The following DDX11 variants were observed in gnomAD, a reference collection of about 807,000 sequenced individuals.
The protein encoded by DDX11 is DEAD/H-box helicase 11.
A neutral mutation model predicts 125.2 loss-of-function variants in DDX11; 72 were observed. That is an observed-to-expected ratio of 0.58 (90% confidence interval 0.48 to 0.70). The LOEUF is 0.70. Among genes scored for constraint, DDX11 ranks in the 30% least tolerant of loss-of-function variants. The pLI is 0.00. For synonymous variants in DDX11, 347 were observed against 452.6 expected, an observed-to-expected ratio of 0.77 and a Z score of 2.96; for missense variants, 883 against 1,165.0, an observed-to-expected ratio of 0.76 and a Z score of 3.52.
At chr12:31,095,865 C>T (rs1945134174) in intron 14 of DDX11, among the ~76,000 whole-genome samples, 1 of 152,110 alleles carries the variant, frequency 6.6e-6, no homozygotes, top group African/African-American at 2.4e-5. Flanking sequence ...TTTTAGAAAC[C>T]GGTTTAAAGG....
intron 2 of DDX11, among the ~76,000 whole-genome samples, chr12:31,083,286 G>T (rs1427702982): frequency 1.3e-5 from 2 of 149,320 alleles, no homozygotes; most frequent in East Asian, 4.0e-4. Context: ...AGACAGAGTG[G>T]TGTCTTCCAG....
chr12:31,102,327 T>G lies in DDX11; in HGVS notation c.2271+16T>G, dbSNP rs759471361. On this transcript the variant is annotated intron_variant, in intron 22 of 26. Coordinates refer to ENST00000542838, the MANE Select transcript of DDX11 (RefSeq NM_030653.4). ...GTGCATCCAGGTGCGGGCGTCATGC[T>G]GGGCTTGGGTCTGAGATCGTGTGGG... The G allele has an allele frequency of 2.5e-6, 4 of 1,613,556 alleles. No individual in the cohort carries two copies. The highest frequency in any genetic ancestry group is 4.5e-5 in the East Asian group (2 of 44,868).
At chr12:31,078,160 G>A (rs1443087052) in intron 1 of DDX11, 2 of 1,447,658 alleles carry the variant, frequency 1.4e-6, no homozygotes, top group Non-Finnish European at 1.9e-6. Context: ...GGCTTTCCTG[G>A]TCTGCATTCT....
intron 20 of DDX11, 197 bp from the exon 21 acceptor site, chr12:31,101,636 A>G: frequency 6.2e-6 from 4 of 649,548 alleles, no homozygotes; most frequent in Non-Finnish European, 1.1e-5. Flanking sequence ...AGTCAGCAGC[A>G]GCGGCTGGGT....
At position 31,094,961 on chromosome 12, in the gene DDX11, C is replaced by T. The variant is rs1236200007; in HGVS notation, c.1482+139C>T. The stretch of plus-strand genomic sequence containing the variant: ...TTACTTAACCCTTAACGCAACATGC[C>T]TGTGAGACAAAAGTCATCTTCTTTT... On this transcript the variant is annotated intron_variant, in intron 14 of 26. Transcript: ENST00000542838. 15 of 926,398 alleles carry T rather than the reference C, an allele frequency of 1.6e-5. No homozygotes were observed. The African/African-American group carries it at 1.6e-4, about 10-fold the overall frequency. 57.4% of individuals were successfully genotyped at this position (926,398 alleles called of 1,614,324 possible).
At position 31,102,990 on chromosome 12, in the gene DDX11, G is replaced by T; in HGVS notation, c.2427G>T (p.Gln809His). Residue 809 changes from glutamine (Q) to histidine (H), a missense_variant, in exon 24 of 27, where the codon CAG becomes CAT. Physicochemically the swap from Gln to His is conservative, Grantham distance 24. This residue lies in a region of DDX11 where 285 missense variants were observed against 346.0 expected (regional missense o/e 0.82). Coordinates refer to ENST00000542838, the MANE Select transcript of DDX11 (RefSeq NM_030653.4). ...CCAACATCAGGTCTGCAGAGCTGCA[G>T]GAGAAGATGGCCTACTTGGATCAAA... ...PFPNIRSAEL[Q>H]EKMAYLDQTL... 6.2e-7 allele frequency: 1 copy of T among 1,613,950 alleles called. No homozygotes were observed. Among genetic ancestry groups the T allele is most frequent in the South Asian group, 1.1e-5 (1 of 91,072 alleles).
chr12:31,083,264 CCT>C (rs1197645837), intron 2 of DDX11, among the ~76,000 whole-genome samples: 1 of 151,542 alleles, frequency 6.6e-6, no homozygotes, highest in Non-Finnish European at 1.5e-5. Context: ...AGCAAGACCT[CCT>C]CTCAAAAACA....
Position 31,097,939 on chromosome 12 carries a change from T to C in DDX11, c.1817T>C (p.Phe606Ser). The C allele has an allele frequency of 6.2e-7, 1 of 1,613,764 alleles. No individual in the cohort carries two copies. The highest frequency in any genetic ancestry group is 8.5e-7 in the Non-Finnish European group (1 of 1,179,860). Reference sequence around the variant, plus strand: ...TTGCTCCTGAATCCAGCTGTGCACTTTGCCCAAGTGGTGAAGGAATGCCGG... The same window carrying C: ...TTGCTCCTGAATCCAGCTGTGCACTCTGCCCAAGTGGTGAAGGAATGCCGG... ...KFLLLNPAVH[F>S]AQVVKECRAV... The change falls in exon 18 of 27, where the codon TTT (phenylalanine) becomes TCT (serine). Residue 606 changes from phenylalanine (F) to serine (S), a missense_variant. Phe to Ser is a radical substitution (Grantham distance 155). This residue lies in a region of DDX11 where 241 missense variants were observed against 279.7 expected (regional missense o/e 0.86). Transcript: ENST00000542838.
At chr12:31,082,087 C>T (rs1942057752) in intron 2 of DDX11, among the ~76,000 whole-genome samples, 1 of 116,848 alleles carries the variant, frequency 8.6e-6, no homozygotes, top group Admixed American at 9.3e-5. Context: ...GGAAATGGTA[C>T]ATATGGGGCT....
chr12:31,104,462 C>T lies in DDX11; in HGVS notation c.*626C>T, dbSNP rs978411100. The T allele has an allele frequency of 2.0e-5, 4 of 196,224 alleles. No homozygotes were observed. Among genetic ancestry groups the T allele is most frequent in the African/African-American group, 9.3e-5 (4 of 43,064 alleles). The allele number at this position is 196,224 out of a possible 1,614,324, so 12.2% of individuals were successfully genotyped here. ...TCCTCCAAGTCTATGGCACCTCCCT[C>T]CCTCTCAACCACTTGAGCAAACTCC... is the stretch of plus-strand genomic sequence containing the variant. On this transcript the variant is annotated 3_prime_UTR_variant, in exon 27 of 27. Transcript: ENST00000542838.
chr12:31,093,491 GTTCACCT>G, intron 12 of DDX11, 167 bp downstream of exon 12: 1 of 852,182 alleles, frequency 1.2e-6, no homozygotes, highest in Non-Finnish European at 1.9e-6. Flanking sequence ...GAGGCAGGTG[GTTCACCT>G]GAGGTTAGGA....
At chr12:31,089,286 C>G in intron 7 of DDX11, 117 bp from the exon 8 acceptor site, 3 of 1,384,986 alleles carry the variant, frequency 2.2e-6, no homozygotes, top group Non-Finnish European at 3.1e-6. Context: ...CCTCCCTGAC[C>G]TGGCCGGCCC....
chr12:31,093,331 G>A lies in DDX11; in HGVS notation c.1369+7G>A. The A allele has an allele frequency of 8.7e-6, 14 of 1,613,808 alleles. No homozygotes were observed. The highest frequency in any genetic ancestry group is 7.7e-5 in the South Asian group (7 of 91,048). The stretch of plus-strand genomic sequence containing the variant: ...TTCGTGGCTGTGCTAGGGGGTGAGA[G>A]CCTCGTCCCCCTGCTGACCCCGGGC... On this transcript the variant is annotated splice_region_variant and intron_variant, in intron 12 of 26. Coordinates refer to ENST00000542838, the MANE Select transcript of DDX11 (RefSeq NM_030653.4).
chr12:31,074,483 T>A (rs1940409112), intron 1 of DDX11, among the ~76,000 whole-genome samples: 2 of 152,142 alleles, frequency 1.3e-5, no homozygotes, highest in African/African-American at 2.4e-5. Flanking sequence ...AGGGCGGGAA[T>A]CGAGGCGGAG....
Position 31,101,036 on chromosome 12 carries a change from T to C in DDX11, c.1958T>C (p.Ile653Thr). ...RVVEFSCGHV[I>T]PPDNILPLVI... is the part of the protein sequence containing the mutation. ...CCCTGGCTCTTACCAGGTCACGTGA[T>C]CCCTCCAGACAACATCCTGCCCCTC... The change falls in exon 20 of 27, where the codon ATC (isoleucine) becomes ACC (threonine). Residue 653 changes from isoleucine (I) to threonine (T), a missense_variant. By Grantham distance (89) the Ile-to-Thr change is moderately conservative (BLOSUM62 -1). Around this residue, in one of 5 missense-constraint regions of DDX11, gnomAD observed 285 missense variants for 346.0 expected, o/e 0.82. Transcript: ENST00000542838. 1 of 1,613,798 alleles carries C rather than the reference T, an allele frequency of 6.2e-7. No individual in the cohort carries two copies. Among genetic ancestry groups the C allele is most frequent in the Non-Finnish European group, 8.5e-7 (1 of 1,179,706 alleles).
At position 31,102,879 on chromosome 12, in the gene DDX11, G is replaced by C. The variant is rs962532147; in HGVS notation, c.2373-57G>C. ...TAGAACGGAGCAGCTGGTGACGTGGGTGATGACCCGGGAGGTCCTGACGTC... is the reference window on the plus strand; with the variant it reads ...TAGAACGGAGCAGCTGGTGACGTGGCTGATGACCCGGGAGGTCCTGACGTC... On this transcript the variant is annotated intron_variant, in intron 23 of 26. Coordinates refer to ENST00000542838, the MANE Select transcript of DDX11 (RefSeq NM_030653.4). The C allele has an allele frequency of 7.8e-6, 12 of 1,531,908 alleles. No individual in the cohort carries two copies. The African/African-American group carries it at 1.6e-4, about 21-fold the overall frequency. The allele number at this position is 1,531,908 out of a possible 1,614,324, so 94.9% of individuals were successfully genotyped here.
rs1941178446 is a variant in DDX11 at position 31,078,593 on chromosome 12, G to C, written c.144+56G>C. The C allele has an allele frequency of 3.7e-6, 6 of 1,610,708 alleles. No individual in the cohort carries two copies. In the African/African-American group the frequency reaches 8.0e-5, roughly 21 times the overall value. ...GGACAACTTAACAGCAGCCGTACTA[G>C]CTTTTCCTGTTTGCCTATCCAGAGA... On this transcript the variant is annotated intron_variant, in intron 2 of 26. Transcript: ENST00000542838.
chr12:31,091,618 G>C (rs1483000693), intron 9 of DDX11, 101 bp from the exon 10 acceptor site: 28 of 1,321,882 alleles, frequency 2.1e-5, no homozygotes, highest in Non-Finnish European at 3.0e-5. Context: ...CACAGTCCAG[G>C]CAGGAAATAG....
intron 2 of DDX11, among the ~76,000 whole-genome samples, chr12:31,083,504 T>C (rs1313253783): frequency 3.9e-5 from 6 of 152,136 alleles, no homozygotes; most frequent in Admixed American, 3.9e-4. Context: ...ATGTCTCCCC[T>C]TCTTCTAATT....
Sources: gnomAD v4.1 joint callset for allele counts (sites outside exome capture counted in the v4.1 genomes callset) on GRCh38, gnomAD v4.1.1 for gene constraint, gnomAD v4.1.1 regional missense constraint, MANE v1.5 for transcripts, NCBI Gene and HGNC (gene_info 2026-07-23, HGNC 2026-07-21) for gene names.